Variants in DMD observed in about 807,000 individuals in gnomAD.
The protein encoded by DMD is mutant dystrophin.
A neutral mutation model predicts 330.1 loss-of-function variants in DMD; 63 were observed. The observed-to-expected ratio is 0.19, with a 90% CI of 0.16 to 0.24. The LOEUF (loss-of-function observed/expected upper bound fraction) is 0.24. DMD is among the 10% of genes least tolerant of loss of function. The pLI is 1.00. For synonymous variants in DMD, 1,223 were observed against 959.8 expected, an observed-to-expected ratio of 1.27 and a Z score of -5.07; for missense variants, 3,344 against 2,684.1, an observed-to-expected ratio of 1.25 and a Z score of -5.43.
chrX:32,343,220 G>C lies in DMD; in HGVS notation c.5653C>G (p.Gln1885Glu), dbSNP rs1295935628. 8.3e-7 allele frequency: 1 copy of C among 1,207,610 alleles called. No individual in the cohort carries two copies. The change falls in exon 40 of 79, where the codon CAG becomes GAG. Residue 1885 changes from glutamine (Q) to glutamate (E), a missense_variant. Gln to Glu is a conservative substitution (Grantham distance 29, BLOSUM62 2). Coordinates refer to ENST00000357033, the MANE Select transcript of DMD (RefSeq NM_004006.3). ...AAGCATTTCAGGAGATCATCAGCCTGCCTCTTGTACTGATACCACTGATGA... is the reference window on the plus strand; with the variant it reads ...AAGCATTTCAGGAGATCATCAGCCTCCCTCTTGTACTGATACCACTGATGA... Reference protein sequence around the residue: ...ISHQWYQYKRQADDLLKCLDD... With the variant: ...ISHQWYQYKREADDLLKCLDD...
chrX:32,880,896 A>G (rs2083875438), intron 2 of DMD, among the ~76,000 whole-genome samples: 1 of 112,876 alleles, frequency 8.9e-6, no homozygotes, highest in Admixed American at 9.3e-5. Flanking sequence ...GTGAGCCGAT[A>G]TTGCGCCATC....
intron 7 of DMD, among the ~76,000 whole-genome samples, chrX:32,797,672 G>A (rs190048769): frequency 9.8e-5 from 11 of 111,772 alleles, no homozygotes; most frequent in African/African-American, 3.6e-4. Flanking sequence ...CATCCACAAA[G>A]TGTCTATTAC....
chrX:32,117,753 A>G (rs1237437135), intron 44 of DMD, among the ~76,000 whole-genome samples: 1 of 111,982 alleles, frequency 8.9e-6, no homozygotes, highest in Non-Finnish European at 1.9e-5. Context: ...CTTAGAATCT[A>G]AGAAAGTGCC....
intron 2 of DMD, among the ~76,000 whole-genome samples, chrX:32,920,690 A>T (rs775635741): frequency 1.2e-4 from 14 of 112,427 alleles, no homozygotes; most frequent in African/African-American, 4.5e-4. Context: ...ACTTCATGCC[A>T]CACTATGGAT....
intron 65 of DMD, among the ~76,000 whole-genome samples, chrX:31,209,275 G>A (rs2044396221): frequency 8.9e-6 from 1 of 111,849 alleles, no homozygotes; most frequent in South Asian, 3.8e-4. Context: ...GAGTGTCTCA[G>A]GGTTTTGTTT....
At chrX:32,206,869 T>C in intron 44 of DMD, 1 of 314,118 alleles carries the variant, frequency 3.2e-6, no homozygotes, top group Non-Finnish European at 5.7e-6. Context: ...GTTGTCCAGA[T>C]TCCATTGCCA....
At chrX:32,886,233 T>C (rs2084550810) in intron 2 of DMD, among the ~76,000 whole-genome samples, 1 of 110,195 alleles carries the variant, frequency 9.1e-6, no homozygotes, top group African/African-American at 3.3e-5. Context: ...TTATACCAAG[T>C]GGTTTATAAA....
intron 2 of DMD, among the ~76,000 whole-genome samples, chrX:32,980,426 A>G (rs1020507219): frequency 9.2e-6 from 1 of 108,352 alleles, no homozygotes; most frequent in Non-Finnish European, 1.9e-5. Context: ...ATTAGGAAGA[A>G]TATATAAAGT....
intron 43 of DMD, among the ~76,000 whole-genome samples, chrX:32,235,090 A>G (rs2097182649): frequency 9.0e-6 from 1 of 111,564 alleles, no homozygotes; most frequent in Admixed American, 9.6e-5. Flanking sequence ...GTTATTGCAC[A>G]CATTATTTAT....
chrX:32,945,174 TTC>T (rs1379590623), intron 2 of DMD, among the ~76,000 whole-genome samples: 2 of 110,906 alleles, frequency 1.8e-5, no homozygotes, highest in Admixed American at 9.7e-5. Context: ...GATGCAAATA[TTC>T]TGTTATTTTT....
At chrX:32,554,743 A>G (rs944964909) in intron 16 of DMD, among the ~76,000 whole-genome samples, 1 of 99,226 alleles carries the variant, frequency 1.0e-5, no homozygotes, top group Non-Finnish European at 2.0e-5. Context: ...AATTGAAAAG[A>G]AGGGATTTCT....
chrX:31,794,038 T>C (rs1347890546), intron 50 of DMD, among the ~76,000 whole-genome samples: 2 of 111,250 alleles, frequency 1.8e-5, no homozygotes, highest in Admixed American at 9.6e-5. Context: ...TTCCCGACAA[T>C]TCTATATCTT....
chrX:32,352,585 T>C (rs5972543), intron 37 of DMD, among the ~76,000 whole-genome samples: 1,969 of 111,196 alleles, frequency 0.018, 49 homozygotes, highest in African/African-American at 0.059. Context: ...ACCACCTTAT[T>C]AGGCAGTATA....
At position 31,929,641 on chromosome X, in the gene DMD, A is replaced by T. The variant is rs2094827917; in HGVS notation, c.6867T>A (p.Asp2289Glu). 2 of 1,209,538 alleles carry T rather than the reference A, an allele frequency of 1.7e-6. No homozygotes were observed. The highest frequency in any genetic ancestry group is 3.5e-5 in the African/African-American group (2 of 57,053). ...TCTGCTTGAGCTTATTTTCAAGTTTATCTTGCTCTTCTGGGCTTATGGGAG... is the reference window on the plus strand; with the variant it reads ...TCTGCTTGAGCTTATTTTCAAGTTTTTCTTGCTCTTCTGGGCTTATGGGAG... The part of the protein sequence containing the change: ...VSAPISPEEQ[D>E]KLENKLKQTN... Residue 2289 changes from aspartate to glutamate, a missense_variant, in exon 47 of 79, where the codon GAT (aspartate) becomes GAA (glutamate). Physicochemically the swap from Asp to Glu is conservative, Grantham distance 45 (BLOSUM62 2). Transcript: ENST00000357033.
intron 7 of DMD, among the ~76,000 whole-genome samples, chrX:32,790,537 C>T (rs1603423056): frequency 1.8e-5 from 2 of 111,616 alleles, no homozygotes; most frequent in Non-Finnish European, 1.9e-5. Context: ...CAGCCCCCAC[C>T]AGTCTATGTC....
intron 12 of DMD, among the ~76,000 whole-genome samples, chrX:32,612,598 G>C (rs747040182): frequency 8.0e-4 from 89 of 111,255 alleles, no homozygotes; most frequent in Non-Finnish European, 1.4e-3. Flanking sequence ...TTCCAGTGTA[G>C]GCCAAGGGAA....
At chrX:31,185,039 C>T (rs1280956635) in intron 67 of DMD, among the ~76,000 whole-genome samples, 2 of 104,272 alleles carry the variant, frequency 1.9e-5, no homozygotes, top group Non-Finnish European at 3.9e-5. Flanking sequence ...GGGTGCAGCA[C>T]ACCAGCATGG....
chrX:31,863,227 C>T (rs934402417), intron 48 of DMD, among the ~76,000 whole-genome samples: 6 of 112,286 alleles, frequency 5.3e-5, no homozygotes, highest in African/African-American at 1.9e-4. Context: ...CCTGTAGTCC[C>T]AGCTGCTCGG....
At chrX:31,767,970 A>C (rs771250967) in intron 51 of DMD, among the ~76,000 whole-genome samples, 2 of 112,024 alleles carry the variant, frequency 1.8e-5, no homozygotes, top group African/African-American at 6.5e-5. Context: ...CCCAGGTAAC[A>C]GTGCAATGTG....
Sources: gnomAD v4.1 joint callset for allele counts (sites outside exome capture counted in the v4.1 genomes callset) on GRCh38, gnomAD v4.1.1 for gene constraint, MANE v1.5 for transcripts, NCBI Gene and HGNC (gene_info 2026-07-23, HGNC 2026-07-21) for gene names.